PLA2G4A: variants seen among roughly 807,000 people sequenced by gnomAD.
The protein encoded by PLA2G4A is cytosolic phospholipase A2.
In PLA2G4A, 40 loss-of-function variants were observed where a neutral mutation model predicts 81.9. The observed-to-expected ratio is 0.49, with a 90% CI of 0.38 to 0.64. The LOEUF is 0.64. Ranked by LOEUF, PLA2G4A falls within the 30% of genes least tolerant of loss-of-function variation. PLA2G4A has a pLI of 0.00. For missense variants in PLA2G4A, 715 were observed against 905.1 expected (o/e 0.79, Z 2.69); for synonymous variants, 302 against 296.9 (o/e 1.02, Z -0.18).
chr1:186,926,058 G>A (rs12720570), intron 7 of PLA2G4A, among the ~76,000 whole-genome samples: 3,100 of 152,274 alleles, frequency 0.02, 111 homozygotes, highest in African/African-American at 0.071. Flanking sequence ...GGGAAACACC[G>A]GTTAAGGAGA....
At chr1:186,856,949 G>T (rs1469949712) in intron 2 of PLA2G4A, among the ~76,000 whole-genome samples, 1 of 148,464 alleles carries the variant, frequency 6.7e-6, no homozygotes, top group East Asian at 2.0e-4. Context: ...AGTATGGTTG[G>T]AACACAAAAC....
Position 186,979,468 on chromosome 1 carries a change from T to C in PLA2G4A, c.2114T>C (p.Ile705Thr). ...DLMHFNTLNN[I>T]DVIKEAMVES... is the part of the protein sequence containing the mutation. The stretch of plus-strand genomic sequence containing the variant: ...ATGCACTTCAATACTCTGAACAACA[T>C]TGATGTAAGTATCTCCTATGGCCAT... Residue 705 changes from isoleucine to threonine, a missense_variant, in exon 17 of 18, where the codon ATT becomes ACT. Ile to Thr is a moderately conservative substitution (Grantham distance 89, BLOSUM62 -1). Coordinates refer to ENST00000367466, the MANE Select transcript of PLA2G4A (RefSeq NM_024420.3). The C allele has an allele frequency of 1.9e-6, 3 of 1,580,576 alleles. No individual in the cohort carries two copies. The highest frequency in any genetic ancestry group is 2.6e-6 in the Non-Finnish European group (3 of 1,149,440).
intron 3 of PLA2G4A, among the ~76,000 whole-genome samples, chr1:186,874,924 T>C (rs1478217224): frequency 6.6e-6 from 1 of 152,092 alleles, no homozygotes; most frequent in East Asian, 1.9e-4. Flanking sequence ...AAGATTTGGA[T>C]CAAGTTTCTA....
At chr1:186,895,349 T>C (rs1042162724) in intron 5 of PLA2G4A, among the ~76,000 whole-genome samples, 5 of 152,220 alleles carry the variant, frequency 3.3e-5, no homozygotes, top group African/African-American at 2.4e-5. Flanking sequence ...GATGCTCTGG[T>C]CCATGCACTC....
At chr1:186,924,495 CTCT>C (rs1432793556) in intron 7 of PLA2G4A, among the ~76,000 whole-genome samples, 1 of 152,162 alleles carries the variant, frequency 6.6e-6, no homozygotes, top group Non-Finnish European at 1.5e-5. Context: ...TCTTTACCAG[CTCT>C]TCTTCATCTG....
intron 2 of PLA2G4A, among the ~76,000 whole-genome samples, chr1:186,858,665 A>G (rs1385887368): frequency 6.6e-6 from 1 of 152,106 alleles, no homozygotes; most frequent in East Asian, 1.9e-4. Flanking sequence ...AAATTTTGTT[A>G]ACTATAGCAA....
chr1:186,925,197 G>A (rs549802974), intron 7 of PLA2G4A, among the ~76,000 whole-genome samples: 137 of 152,182 alleles, frequency 9.0e-4, no homozygotes, highest in African/African-American at 3.1e-3. Flanking sequence ...ATTTCTTTAC[G>A]TGTATTCCTG....
chr1:186,941,783 A>T (rs1386129676), intron 10 of PLA2G4A, among the ~76,000 whole-genome samples: 1 of 152,172 alleles, frequency 6.6e-6, no homozygotes, highest in Non-Finnish European at 1.5e-5. Flanking sequence ...TGTTTGGAAA[A>T]TTTACAATAA....
intron 3 of PLA2G4A, among the ~76,000 whole-genome samples, chr1:186,885,703 G>A (rs908761700): frequency 1.3e-5 from 2 of 152,028 alleles, no homozygotes; most frequent in African/African-American, 4.8e-5. Context: ...ATTTTACCAG[G>A]AAACCAGATA....
At chr1:186,893,644 G>C (rs188252327) in intron 4 of PLA2G4A, among the ~76,000 whole-genome samples, 49 of 152,152 alleles carry the variant, frequency 3.2e-4, no homozygotes, top group Admixed American at 7.2e-4. Context: ...AGAAGGAAAA[G>C]ATTGGCCGGG....
intron 2 of PLA2G4A, among the ~76,000 whole-genome samples, chr1:186,858,117 T>C (rs1317073183): frequency 6.6e-6 from 1 of 152,180 alleles, no homozygotes; most frequent in Admixed American, 6.6e-5. Flanking sequence ...TTTGGGTTTA[T>C]ACTCAGTAAT....
chr1:186,980,139 G>C (rs1657673575), intron 17 of PLA2G4A, among the ~76,000 whole-genome samples: 1 of 151,968 alleles, frequency 6.6e-6, no homozygotes, highest in South Asian at 2.1e-4. Context: ...TAGTGAAGAC[G>C]GGGTTTCACC....
At chr1:186,864,121 T>C (rs1652925139) in intron 2 of PLA2G4A, among the ~76,000 whole-genome samples, 2 of 152,202 alleles carry the variant, frequency 1.3e-5, no homozygotes, top group Admixed American at 6.5e-5. Context: ...TTGGAACAAA[T>C]GACAGGATTT....
rs754684575 is a variant in PLA2G4A at position 186,956,100 on chromosome 1, A to G, written c.1337-2A>G. ...GTATGGTGACCTTTTATTTTTCCCT[A>G]GGCACTGAAAATGAAGATGCTGGAA... On this transcript the variant is annotated splice_acceptor_variant, in intron 13 of 17. Transcript: ENST00000367466. LOFTEE classifies it high-confidence loss of function. 1.9e-6 allele frequency: 3 copies of G among 1,612,572 alleles called. No homozygotes were observed. Among genetic ancestry groups the G allele is most frequent in the Non-Finnish European group, 2.5e-6 (3 of 1,178,750 alleles).
chr1:186,924,329 T>C (rs1381884809), intron 7 of PLA2G4A, among the ~76,000 whole-genome samples: 1 of 152,242 alleles, frequency 6.6e-6, no homozygotes, highest in Non-Finnish European at 1.5e-5. Flanking sequence ...TTCTACCTCC[T>C]TTAGACACCA....
intron 3 of PLA2G4A, 103 bp downstream of exon 3, chr1:186,870,619 G>A: frequency 8.7e-7 from 1 of 1,152,856 alleles, no homozygotes; most frequent in Non-Finnish European, 1.3e-6. Context: ...CTTCAAATGT[G>A]GTTATGTTTG....
chr1:186,903,612 C>A (rs1199356806), intron 5 of PLA2G4A, among the ~76,000 whole-genome samples: 1 of 152,096 alleles, frequency 6.6e-6, no homozygotes, highest in Non-Finnish European at 1.5e-5. Flanking sequence ...GGAGCATGAA[C>A]CCTATTGTGA....
intron 2 of PLA2G4A, among the ~76,000 whole-genome samples, chr1:186,868,236 G>C (rs989167631): frequency 6.6e-6 from 1 of 151,606 alleles, no homozygotes; most frequent in African/African-American, 2.4e-5. Context: ...CACCATGCCC[G>C]GCTAATTTTT....
chr1:186,943,376 T>A (rs144340028), intron 10 of PLA2G4A, among the ~76,000 whole-genome samples: 1,862 of 152,354 alleles, frequency 0.012, 41 homozygotes, highest in African/African-American at 0.043. Flanking sequence ...ATTTATGGAT[T>A]ACAACTTATG....
Sources: allele counts gnomAD v4.1 joint callset (sites outside exome capture counted in the v4.1 genomes callset), GRCh38; gene constraint gnomAD v4.1.1; transcripts MANE v1.5; gene names NCBI Gene and HGNC (gene_info 2026-07-23, HGNC 2026-07-21).